The following SMAP2 variants were observed in gnomAD, a reference collection of about 807,000 sequenced individuals.
The protein encoded by SMAP2 is small ArfGAP2.
SMAP2 carries 25 observed loss-of-function variants against 56.4 expected under a neutral mutation model. The ratio of observed to expected loss-of-function variants is 0.44; its 90% CI spans 0.32 to 0.62. SMAP2 has a LOEUF of 0.62. SMAP2 is among the 20% of genes least tolerant of loss of function. The pLI, the probability that SMAP2 is intolerant of heterozygous loss-of-function variation, is 0.04. For missense variants in SMAP2, 388 were observed against 545.6 expected, an observed-to-expected ratio of 0.71 and a Z score of 2.88; for synonymous variants, 157 against 181.7, an observed-to-expected ratio of 0.86 and a Z score of 1.09.
chr1:40,396,620 A>C (rs1232942966), intron 1 of SMAP2, among the ~76,000 whole-genome samples: 1 of 152,220 alleles, frequency 6.6e-6, no homozygotes, highest in Non-Finnish European at 1.5e-5. Flanking sequence ...TTGTCTTGCA[A>C]GTGTTCTGAA....
At chr1:40,353,343 A>G (rs1644418002) in intron 1 of SMAP2, among the ~76,000 whole-genome samples, 1 of 152,146 alleles carries the variant, frequency 6.6e-6, no homozygotes, top group South Asian at 2.1e-4. Flanking sequence ...TCATACTTGA[A>G]TGTGCACCAG....
chr1:40,421,366 C>T (rs1013499016), intron 9 of SMAP2, among the ~76,000 whole-genome samples: 4 of 152,034 alleles, frequency 2.6e-5, no homozygotes, highest in African/African-American at 9.7e-5. Flanking sequence ...ATGAAGGACC[C>T]CCGCCCCATC....
rs1249719000 is a variant in SMAP2, at chr1:40,374,592, CGTGCGT to C, written c.103+373_103+378del. 4.2e-5 allele frequency: 55 copies of C among 1,302,266 alleles called. No homozygotes were observed. Among genetic ancestry groups the C allele is most frequent in the Admixed American group, 9.3e-5 (4 of 42,794 alleles). The allele number at this position is 1,302,266 out of a possible 1,614,324, so 80.7% of individuals were successfully genotyped here. ...ATGAACTGCATTGCGTGCGTGCGTG[CGTGCGT>C]GTGTGTGTGTGTGTGTGTGTGTGTG... On this transcript the variant is annotated intron_variant, in intron 1 of 9. Coordinates refer to ENST00000372718, the MANE Select transcript of SMAP2 (RefSeq NM_022733.3). This position sits in a 1 kb window ranked among gnomAD's most constrained non-coding sequence, Gnocchi z 5.9.
In SMAP2 at chr1:40,354,961, T is replaced by C. The variant is rs540460524; in HGVS notation, c.-82-7339T>C. On this transcript the variant is annotated intron_variant, in intron 1 of 6. Coordinates refer to the SMAP2 transcript ENST00000435168. ...ACCAAACCCAGCTAACTTTTGTATT[T>C]TTAGTAGAGAGGGGGTTTCACCATG... 3.3e-5 allele frequency among the ~76,000 whole-genome samples: 5 copies of C among 151,334 alleles called. No homozygotes were observed. The East Asian group carries it at 7.8e-4, about 24-fold the overall frequency.
intron 1 of SMAP2, among the ~76,000 whole-genome samples, chr1:40,397,945 C>T (rs1644788268): frequency 6.6e-6 from 1 of 152,078 alleles, no homozygotes; most frequent in African/African-American, 2.4e-5. Context: ...TTATGACTTC[C>T]TCAGCATGTG....
chr1:40,411,823 A>G lies in SMAP2; in HGVS notation c.403-1193A>G, dbSNP rs1486240651. Among the ~76,000 whole-genome samples the G allele has an allele frequency of 2.0e-5, 3 of 152,230 alleles. No individual in the cohort carries two copies. In the East Asian group the frequency reaches 5.8e-4, roughly 29 times the overall value. On this transcript the variant is annotated intron_variant, in intron 4 of 9. Transcript: ENST00000372718. ...AACAGCTGCATGTATTGATTATAAA[A>G]TTATTTTAGAGAAAATGAAAATTAA...
chr1:40,388,958 CCG>C (rs1348352802), intron 1 of SMAP2, among the ~76,000 whole-genome samples: 1 of 152,052 alleles, frequency 6.6e-6, no homozygotes, highest in Non-Finnish European at 1.5e-5. Context: ...TTAACACTCA[CCG>C]CGAGGGTCCA....
intron 1 of SMAP2, among the ~76,000 whole-genome samples, chr1:40,403,122 A>G (rs1425932012): frequency 6.6e-6 from 1 of 152,316 alleles, no homozygotes; most frequent in East Asian, 1.9e-4. Flanking sequence ...GAAGACTTTG[A>G]AATTGGGTCT....
At chr1:40,389,838 T>G (rs1012239718) in intron 1 of SMAP2, among the ~76,000 whole-genome samples, 1 of 152,196 alleles carries the variant, frequency 6.6e-6, no homozygotes, top group Non-Finnish European at 1.5e-5. Context: ...AAACTCCTTG[T>G]GCCCACTGGA....
At chr1:40,416,134 T>G in intron 7 of SMAP2, 42 bp from the exon 8 acceptor site, 3 of 1,571,108 alleles carry the variant, frequency 1.9e-6, no homozygotes, top group South Asian at 1.2e-5. Flanking sequence ...GAGACCCCCA[T>G]GAGAACCATT....
At chr1:40,358,910 G>A (rs1317509867) in intron 1 of SMAP2, among the ~76,000 whole-genome samples, 1 of 151,986 alleles carries the variant, frequency 6.6e-6, no homozygotes, top group Non-Finnish European at 1.5e-5. Context: ...CTCCAGTGTT[G>A]GATGCAGATA....
chr1:40,402,594 C>T (rs1644846567), intron 1 of SMAP2, among the ~76,000 whole-genome samples: 1 of 152,090 alleles, frequency 6.6e-6, no homozygotes, highest in Non-Finnish European at 1.5e-5. Flanking sequence ...GGATTACAGG[C>T]ACGTGCCACC....
chr1:40,377,273 G>A (rs566057950), intron 1 of SMAP2, among the ~76,000 whole-genome samples: 27 of 152,320 alleles, frequency 1.8e-4, no homozygotes, highest in African/African-American at 6.5e-4. Context: ...TGCAGCCTGG[G>A]TCAGAGAGCA....
upstream of SMAP2, among the ~76,000 whole-genome samples, chr1:40,371,363 C>G (rs1052852534): frequency 4.6e-5 from 7 of 152,074 alleles, no homozygotes; most frequent in African/African-American, 1.7e-4. Context: ...ACTCACTTTA[C>G]TCTGCTATTA....
chr1:40,395,034 G>A (rs1221762543), intron 1 of SMAP2, among the ~76,000 whole-genome samples: 2 of 152,170 alleles, frequency 1.3e-5, no homozygotes, highest in African/African-American at 4.8e-5. Context: ...GTGTATAGAA[G>A]TGAGAAGAGG....
chr1:40,417,997 GA>G (rs1357919676), intron 9 of SMAP2, among the ~76,000 whole-genome samples: 41 of 151,922 alleles, frequency 2.7e-4, no homozygotes, highest in Non-Finnish European at 5.6e-4. Context: ...ACTACAGGAA[GA>G]AAATAGAAAA....
At chr1:40,353,383 T>C (rs1225411796) in intron 1 of SMAP2, among the ~76,000 whole-genome samples, 1 of 152,178 alleles carries the variant, frequency 6.6e-6, no homozygotes, top group Non-Finnish European at 1.5e-5. Context: ...TCTTTATTTT[T>C]TTGAGACAGA....
chr1:40,410,283 A>G (rs1421866473), intron 4 of SMAP2, among the ~76,000 whole-genome samples: 1 of 152,052 alleles, frequency 6.6e-6, no homozygotes, highest in African/African-American at 2.4e-5. Context: ...AGTGCCAGTT[A>G]CTGAGTCAAG....
At chr1:40,404,095 G>A (rs1644862470) in intron 1 of SMAP2, among the ~76,000 whole-genome samples, 2 of 152,126 alleles carry the variant, frequency 1.3e-5, no homozygotes, top group Non-Finnish European at 2.9e-5. Flanking sequence ...GAGAGACCCT[G>A]TCTGTAAAGA....
Sources: gnomAD v4.1 joint callset for allele counts (sites outside exome capture counted in the v4.1 genomes callset) on GRCh38, gnomAD v4.1.1 for gene constraint, Gnocchi (gnomAD v3.1) non-coding constraint, MANE v1.5 for transcripts, NCBI Gene and HGNC (gene_info 2026-07-23, HGNC 2026-07-21) for gene names.